Variants in BID observed in about 807,000 individuals in gnomAD.
BID encodes the protein BH3 interacting domain death agonist.
Under a neutral mutation model 17.4 loss-of-function variants are expected in BID, and 19 were observed. The observed-to-expected ratio is 1.09, with a 90% CI of 0.76 to 1.60. The LOEUF is 1.60. Ranked by LOEUF, BID falls within the 40% of genes most tolerant of loss-of-function variation. The pLI, the probability that BID is intolerant of heterozygous loss-of-function variation, is 0.00. For synonymous variants in BID, 108 were observed against 102.8 expected (o/e 1.05, Z -0.31); for missense variants, 226 against 256.0 (o/e 0.88, Z 0.80).
chr22:17,751,497 T>C (rs78387019), intron 1 of BID, among the ~76,000 whole-genome samples: 5,179 of 152,236 alleles, frequency 0.034, 168 homozygotes, highest in East Asian at 0.12. Context: ...GTAGACACAA[T>C]ATCAGGTTGA....
intron 2 of BID, 22 bp downstream of exon 2, chr22:17,750,083 C>T (rs1161022676): frequency 3.1e-6 from 5 of 1,610,680 alleles, no homozygotes; most frequent in Admixed American, 1.7e-5. Context: ...ACAAGGCACC[C>T]GCAGGGGATC....
intron 3 of BID, among the ~76,000 whole-genome samples, chr22:17,742,226 G>A (rs2061464468): frequency 6.6e-6 from 1 of 152,214 alleles, no homozygotes; most frequent in African/African-American, 2.4e-5. Flanking sequence ...TTTTGCAGGT[G>A]CCACTTGAGT....
chr22:17,739,395 A>C lies in BID; in HGVS notation c.317T>G (p.Val106Gly), dbSNP rs748334233. The change falls in exon 4 of 6, where the codon GTG becomes GGG. Residue 106 changes from valine (V) to glycine (G), a missense_variant. Physicochemically the swap from Val to Gly is moderately radical, Grantham distance 109 (BLOSUM62 -3). Transcript: ENST00000622694. ...CCTGAGCTGCAGGGCCAGGCCGTTC[A>C]CCAGGCCCGGAGGGATGCTACGGTC... ...SMDRSIPPGL[V>G]NGLALQLRNT... is the part of the protein sequence containing the mutation. 7.5e-6 allele frequency: 12 copies of C among 1,608,512 alleles called. No individual in the cohort carries two copies. In the East Asian group the frequency reaches 1.1e-4, roughly 15 times the overall value.
intron 3 of BID, among the ~76,000 whole-genome samples, chr22:17,743,198 TATGTC>T (rs1464973999): frequency 6.6e-6 from 1 of 152,208 alleles, no homozygotes; most frequent in East Asian, 1.9e-4. Context: ...TGAAAGGAAA[TATGTC>T]AGGTATAGAC....
chr22:17,751,472 T>C (rs2061539432), intron 1 of BID, among the ~76,000 whole-genome samples: 1 of 152,048 alleles, frequency 6.6e-6, no homozygotes, highest in Admixed American at 6.6e-5. Flanking sequence ...TGTGTGTGTG[T>C]GTGCGTGTGT....
At chr22:17,740,056 C>A in intron 3 of BID, 1 of 1,605,966 alleles carries the variant, frequency 6.2e-7, no homozygotes, top group East Asian at 2.2e-5. Flanking sequence ...TGGCGCACAG[C>A]CTCCGTGCTG....
intron 2 of BID, among the ~76,000 whole-genome samples, chr22:17,745,112 G>A (rs185281303): frequency 6.6e-6 from 1 of 152,164 alleles, no homozygotes; most frequent in Non-Finnish European, 1.5e-5. Context: ...GTGCAGTGGT[G>A]TGATCTCGGC....
chr22:17,765,318 A>T (rs1424991687), intron 1 of BID, among the ~76,000 whole-genome samples: 1 of 152,228 alleles, frequency 6.6e-6, no homozygotes, highest in Non-Finnish European at 1.5e-5. Context: ...CATTGAAAGA[A>T]GTGACTTGCC....
At chr22:17,762,371 C>T (rs1022400497) in intron 1 of BID, among the ~76,000 whole-genome samples, 1 of 152,052 alleles carries the variant, frequency 6.6e-6, no homozygotes, top group Non-Finnish European at 1.5e-5. Context: ...ATGGCGTGCA[C>T]CTGTAACCCA....
intron 5 of BID, among the ~76,000 whole-genome samples, chr22:17,735,901 C>T (rs1248641400): frequency 1.3e-5 from 2 of 152,198 alleles, no homozygotes; most frequent in Non-Finnish European, 2.9e-5. Flanking sequence ...CAGACTGCTG[C>T]ACACGTCTTG....
At chr22:17,767,947 G>A (rs1381585955) in intron 1 of BID, among the ~76,000 whole-genome samples, 2 of 152,098 alleles carry the variant, frequency 1.3e-5, no homozygotes, top group Admixed American at 1.3e-4. Context: ...AAAAAATGAA[G>A]GAAACATTGA....
chr22:17,774,475 G>A, upstream of BID: 1 of 280,418 alleles, frequency 3.6e-6, no homozygotes, highest in Non-Finnish European at 7.6e-6. Context: ...TCCTTATGGC[G>A]CCCCGCGCGC....
rs1481529029 is a variant in BID, at chr22:17,735,327, A to G, written c.*253T>C. ...ACCGTGTGTAGATTTACAGATGTGC[A>G]GATTCATGTGTGGATGATATGAAGG... On this transcript the variant is annotated 3_prime_UTR_variant, in exon 6 of 6. Transcript: ENST00000622694. The G allele has an allele frequency of 2.0e-6, 1 of 492,328 alleles. No homozygotes were observed. Among genetic ancestry groups the G allele is most frequent in the Non-Finnish European group, 3.6e-6 (1 of 277,300 alleles). 30.5% of individuals were successfully genotyped at this position (492,328 alleles called of 1,614,324 possible). A position where few individuals can be genotyped will look rare whatever the true frequency, so the allele number is the denominator to read the frequency against.
intron 1 of BID, among the ~76,000 whole-genome samples, chr22:17,757,612 G>A (rs1170743541): frequency 6.6e-6 from 1 of 151,270 alleles, no homozygotes; most frequent in Non-Finnish European, 1.5e-5. Flanking sequence ...GGGAGGCTGA[G>A]GCAGGAGAAT....
chr22:17,748,861 G>A (rs535736846), intron 2 of BID, among the ~76,000 whole-genome samples: 1 of 152,252 alleles, frequency 6.6e-6, no homozygotes, highest in African/African-American at 2.4e-5. Context: ...AGGGACAGTG[G>A]CACCCAGAGT....
At chr22:17,739,850 G>T in intron 3 of BID, 1 of 608,084 alleles carries the variant, frequency 1.6e-6, no homozygotes, top group Non-Finnish European at 2.9e-6. Context: ...CTTGGCCTGG[G>T]CAGCCGTTGG....
At chr22:17,758,599 A>G (rs1228032737) in intron 1 of BID, among the ~76,000 whole-genome samples, 3 of 152,222 alleles carry the variant, frequency 2.0e-5, no homozygotes, top group Admixed American at 6.5e-5. Context: ...GACACACGCT[A>G]CAACACAGAT....
intron 1 of BID, among the ~76,000 whole-genome samples, chr22:17,757,837 G>A (rs370114834): frequency 6.6e-6 from 1 of 152,220 alleles, no homozygotes; most frequent in Non-Finnish European, 1.5e-5. Flanking sequence ...AAGGGACTCG[G>A]CCGCTGTCAC....
At chr22:17,754,715 G>C (rs1414576601) in intron 1 of BID, among the ~76,000 whole-genome samples, 1 of 152,208 alleles carries the variant, frequency 6.6e-6, no homozygotes, top group African/African-American at 2.4e-5. Context: ...CCACTCACAG[G>C]AAACAGCTGA....
Sources: gnomAD v4.1 joint callset for allele counts (sites outside exome capture counted in the v4.1 genomes callset) on GRCh38, gnomAD v4.1.1 for gene constraint, MANE v1.5 for transcripts, NCBI Gene and HGNC (gene_info 2026-07-23, HGNC 2026-07-21) for gene names.